The following APC variants were observed in gnomAD, a reference collection of about 807,000 sequenced individuals.
APC encodes adenomatous polyposis coli protein.
A neutral mutation model predicts 247.0 loss-of-function variants in APC; 72 were observed. The observed-to-expected ratio is 0.29, with a 90% confidence interval of 0.24 to 0.35. The LOEUF (loss-of-function observed/expected upper bound fraction) is 0.35. APC is among the 10% of genes least tolerant of loss of function. The pLI is 1.00. For synonymous variants in APC, 1,254 were observed against 1,162.5 expected, an observed-to-expected ratio of 1.08 and a Z score of -1.60; for missense variants, 3,400 against 3,360.7, an observed-to-expected ratio of 1.01 and a Z score of -0.29.
chr5:112,816,995 A>G (rs2149770141), intron 9 of APC, among the ~76,000 whole-genome samples: 1 of 151,652 alleles, frequency 6.6e-6, no homozygotes, highest in East Asian at 2.0e-4. Context: ...CAGCCTCCCA[A>G]GTAGCTGGGA....
chr5:112,791,062 T>G (rs1759529475), intron 6 of APC, among the ~76,000 whole-genome samples: 1 of 152,212 alleles, frequency 6.6e-6, no homozygotes, highest in Non-Finnish European at 1.5e-5. Context: ...TAAACTAGCT[T>G]TATGAGACAT....
intron 7 of APC, among the ~76,000 whole-genome samples, chr5:112,795,118 C>G (rs1249895485): frequency 6.6e-6 from 1 of 152,158 alleles, no homozygotes; most frequent in African/African-American, 2.4e-5. Flanking sequence ...CCTCCGCCTC[C>G]TGGGTTCAAG....
chr5:112,768,289 C>T (rs771152921), intron 4 of APC, among the ~76,000 whole-genome samples: 41 of 151,588 alleles, frequency 2.7e-4, no homozygotes, highest in Non-Finnish European at 5.7e-4. Context: ...GTGATTCCCC[C>T]CTGCCTCGGC....
rs2149911455 is a variant in APC at position 112,839,908 on chromosome 5, A to G, written c.4314A>G (p.Thr1438=). 1 of 1,614,002 alleles carries G rather than the reference A, an allele frequency of 6.2e-7. No homozygotes were observed. Among genetic ancestry groups the G allele is most frequent in the Non-Finnish European group, 8.5e-7 (1 of 1,179,982 alleles). ...CCATGCCACCAAGCAGAAGTAAAAC[A>G]CCTCCACCACCTCCTCAAACAGCTC... ...GQTMPPSRSK[T]PPPPPQTAQT... The change falls in exon 16 of 16, where the codon ACA becomes ACG. Residue 1438 remains threonine, a synonymous_variant. Coordinates refer to ENST00000257430, the MANE Select transcript of APC (RefSeq NM_000038.6). The surrounding 1 kb of genome is among the most constrained non-coding windows in gnomAD (Gnocchi z 5.0).
Position 112,842,630 on chromosome 5 carries a change from C to T in APC, c.7036C>T (p.Pro2346Ser), listed in dbSNP as rs200756935. Residue 2346 changes from proline (P) to serine (S), a missense_variant, in exon 16 of 16, where the codon CCA (proline) becomes TCA (serine). Pro to Ser is a moderately conservative substitution (Grantham distance 74). Coordinates refer to ENST00000257430, the MANE Select transcript of APC (RefSeq NM_000038.6). ...ISPPNKLSQLPRTSSPSTAST... is the reference protein window; with the variant it reads ...ISPPNKLSQLSRTSSPSTAST... ...TCCTCCTAACAAATTATCTCAACTT[C>T]CAAGGACATCATCCCCTAGTACTGC... The T allele has an allele frequency of 1.8e-4, 297 of 1,613,820 alleles. No homozygotes were observed. The highest frequency in any genetic ancestry group is 1.6e-4 in the Middle Eastern group (1 of 6,082).
At chr5:112,812,031 A>C (rs1762037527) in intron 8 of APC, among the ~76,000 whole-genome samples, 1 of 152,198 alleles carries the variant, frequency 6.6e-6, no homozygotes. Context: ...GGGCCTCACC[A>C]AGGGCAGTTC....
chr5:112,830,049 G>A (rs1368677778), intron 14 of APC: 2 of 151,978 alleles, frequency 1.3e-5, no homozygotes, highest in Non-Finnish European at 2.9e-5. Context: ...CAGCCTACAT[G>A]TTCTTCTTCA....
intron 1 of APC, among the ~76,000 whole-genome samples, chr5:112,741,134 GA>G (rs1454457088): frequency 3.3e-5 from 5 of 152,142 alleles, no homozygotes; most frequent in African/African-American, 1.2e-4. Flanking sequence ...TATCATCTTT[GA>G]AAAATGCTGG....
In APC at chr5:112,841,150, T is replaced by TC; in HGVS notation, c.5558dup (p.Tyr1854LeufsTer7). 6.2e-7 allele frequency: 1 copy of TC among 1,613,618 alleles called. No homozygotes were observed. The highest frequency in any genetic ancestry group is 8.5e-7 in the Non-Finnish European group (1 of 1,179,558). On this transcript the variant is annotated frameshift_variant, in exon 16 of 16. Coordinates refer to ENST00000257430, the MANE Select transcript of APC (RefSeq NM_000038.6). LOFTEE classifies it high-confidence loss of function. The surrounding 1 kb of genome is among the most constrained non-coding windows in gnomAD (Gnocchi z 4.6). ...ATCATTACACGCCTATTGAAGGAAC[T>TC]CCTTACTGTTTTTCACGAAATGATT...
chr5:112,709,434 T>G (rs1424093144), intron 1 of APC, among the ~76,000 whole-genome samples: 1 of 152,220 alleles, frequency 6.6e-6, no homozygotes, highest in Non-Finnish European at 1.5e-5. Context: ...TTCACTTTTC[T>G]GGAACCAGAG....
intron 14 of APC, among the ~76,000 whole-genome samples, chr5:112,834,324 C>T (rs1298492512): frequency 6.7e-6 from 1 of 149,502 alleles, no homozygotes; most frequent in African/African-American, 2.5e-5. Flanking sequence ...TCACTGCGAC[C>T]TCTGCCTCCC....
At position 112,794,362 on chromosome 5, in the gene APC, G is replaced by A. The variant is rs116068739; in HGVS notation, c.729+1833G>A. ...TTCCAAAGTGTGGGATTACAGGCGT[G>A]AGCCACTGCGCCTGACCCCTGTTAA... On this transcript the variant is annotated intron_variant, in intron 7 of 15. Transcript: ENST00000257430. Among the ~76,000 whole-genome samples the A allele has an allele frequency of 8.2e-3, 1,246 of 152,314 alleles. 18 individuals carry two copies. Among genetic ancestry groups the A allele is most frequent in the African/African-American group, 0.028 (1,184 of 41,564 alleles).
intron 2 of APC, among the ~76,000 whole-genome samples, chr5:112,757,030 G>A (rs990734073): frequency 5.9e-5 from 9 of 151,992 alleles, no homozygotes; most frequent in Admixed American, 3.3e-4. Flanking sequence ...TCAAATTTTC[G>A]GATTTAGAAT....
At chr5:112,761,720 T>C (rs1316568910) in intron 2 of APC, among the ~76,000 whole-genome samples, 1 of 152,138 alleles carries the variant, frequency 6.6e-6, no homozygotes, top group Non-Finnish European at 1.5e-5. Flanking sequence ...AAGCACCATA[T>C]ATAGAAAGAA....
rs1181247980 is a variant in APC at position 112,838,037 on chromosome 5, A to G, written c.2443A>G (p.Asn815Asp). 2 of 1,614,190 alleles carry G rather than the reference A, an allele frequency of 1.2e-6. No homozygotes were observed. Among genetic ancestry groups the G allele is most frequent in the Non-Finnish European group, 1.7e-6 (2 of 1,180,020 alleles). ...RHDDNRSDNF[N>D]TGNMTVLSPY... ...TGATGATAATAGGTCAGACAATTTT[A>G]ATACTGGCAACATGACTGTCCTTTC... The change falls in exon 16 of 16, where the codon AAT (asparagine) becomes GAT (aspartate). Residue 815 changes from asparagine (N) to aspartate (D), a missense_variant. By Grantham distance (23) the Asn-to-Asp change is conservative. This residue lies in a region of APC where 715 missense variants were observed against 656.6 expected (regional missense o/e 1.09). Coordinates refer to ENST00000257430, the MANE Select transcript of APC (RefSeq NM_000038.6).
chr5:112,751,741 A>C (rs1211789636), intron 1 of APC, among the ~76,000 whole-genome samples: 1 of 151,972 alleles, frequency 6.6e-6, no homozygotes, highest in African/African-American at 2.4e-5. Flanking sequence ...TTATCTGTGA[A>C]TAATGTTCCC....
intron 6 of APC, among the ~76,000 whole-genome samples, chr5:112,785,077 G>A (rs968156905): frequency 6.6e-6 from 1 of 152,066 alleles, no homozygotes; most frequent in Non-Finnish European, 1.5e-5. Flanking sequence ...AAAGAAAACA[G>A]AAATAATGAG....
At chr5:112,793,550 A>G (rs1045451931) in intron 7 of APC, among the ~76,000 whole-genome samples, 2 of 152,204 alleles carry the variant, frequency 1.3e-5, no homozygotes, top group Non-Finnish European at 2.9e-5. Flanking sequence ...CTATAGGGTA[A>G]TATAGTTGAC....
At chr5:112,833,305 C>T (rs1382919280) in intron 14 of APC, among the ~76,000 whole-genome samples, 1 of 151,854 alleles carries the variant, frequency 6.6e-6, no homozygotes, top group East Asian at 1.9e-4. Flanking sequence ...GCCTCAGCCT[C>T]CCAAGTAGCT....
Sources: allele counts gnomAD v4.1 joint callset (sites outside exome capture counted in the v4.1 genomes callset), GRCh38; gene constraint gnomAD v4.1.1; regional missense constraint gnomAD v4.1.1; non-coding constraint Gnocchi (gnomAD v3.1); transcripts MANE v1.5; gene names NCBI Gene and HGNC (gene_info 2026-07-23, HGNC 2026-07-21).